The following PRUNE2 variants were observed in gnomAD, a reference collection of about 807,000 sequenced individuals.
The protein encoded by PRUNE2 is protein prune homolog 2.
In PRUNE2, 164 loss-of-function variants were observed where a neutral mutation model predicts 252.0. That is an observed-to-expected ratio of 0.65 (90% CI 0.57 to 0.74). PRUNE2 has a LOEUF of 0.74. PRUNE2 is among the 30% of genes least tolerant of loss of function. The pLI is 0.00. For synonymous variants in PRUNE2, 1,292 were observed against 1,350.2 expected (o/e 0.96, Z 0.94); for missense variants, 3,495 against 3,711.0 (o/e 0.94, Z 1.51).
chr9:76,763,696 C>T (rs968939876), intron 6 of PRUNE2, among the ~76,000 whole-genome samples: 1 of 151,990 alleles, frequency 6.6e-6, no homozygotes, highest in African/African-American at 2.4e-5. Context: ...TGCAGAAGAG[C>T]AGGTGGGGAG....
At chr9:76,821,956 G>A (rs2131927143) in intron 6 of PRUNE2, among the ~76,000 whole-genome samples, 1 of 152,224 alleles carries the variant, frequency 6.6e-6, no homozygotes, top group Non-Finnish European at 1.5e-5. Context: ...AATTTAGGAA[G>A]GAATTCCAAA....
At chr9:76,877,891 T>A (rs2061556819) in intron 1 of PRUNE2, among the ~76,000 whole-genome samples, 1 of 152,186 alleles carries the variant, frequency 6.6e-6, no homozygotes, top group Non-Finnish European at 1.5e-5. Context: ...AAAAACTACT[T>A]AGGTATAGTG....
At chr9:76,804,207 C>T (rs536013804) in intron 6 of PRUNE2, among the ~76,000 whole-genome samples, 10 of 152,298 alleles carry the variant, frequency 6.6e-5, no homozygotes, top group African/African-American at 2.4e-4. Flanking sequence ...TTTAGATTTC[C>T]ACAAGTGAGG....
At chr9:76,841,150 G>A (rs2132346194) in intron 4 of PRUNE2, among the ~76,000 whole-genome samples, 1 of 152,266 alleles carries the variant, frequency 6.6e-6, no homozygotes, top group East Asian at 1.9e-4. Flanking sequence ...GGACTGGTCA[G>A]CCCAGCCATG....
chr9:76,720,749 T>C (rs1267050195), intron 6 of PRUNE2, among the ~76,000 whole-genome samples: 1 of 152,202 alleles, frequency 6.6e-6, no homozygotes, highest in Non-Finnish European at 1.5e-5. Flanking sequence ...TTTCAAATAA[T>C]AATCACACAC....
chr9:76,631,683 C>T (rs183461893), intron 15 of PRUNE2, among the ~76,000 whole-genome samples: 2 of 152,324 alleles, frequency 1.3e-5, no homozygotes, highest in East Asian at 1.9e-4. Context: ...TTTTTTCCCC[C>T]AGCTTTTATT....
chr9:76,782,251 A>G (rs1394252487), intron 6 of PRUNE2, among the ~76,000 whole-genome samples: 2 of 152,150 alleles, frequency 1.3e-5, no homozygotes, highest in Non-Finnish European at 2.9e-5. Context: ...GAAAGCCTAA[A>G]TGGTCTACAG....
chr9:76,799,455 T>C (rs183911055), intron 6 of PRUNE2, among the ~76,000 whole-genome samples: 22 of 152,264 alleles, frequency 1.4e-4, no homozygotes, highest in African/African-American at 4.6e-4. Flanking sequence ...ACACTGAGCA[T>C]ACACATTATT....
chr9:76,710,652 C>A lies in PRUNE2; in HGVS notation c.1622G>T (p.Gly541Val). ...QLPAGPEGLD[G>V]MGTNMSNYSS... ...ATAATTAGACATGTTGGTTCCCATGCCATCAAGTCCTTCAGGCCCAGCGGG... is the reference window on the plus strand; with the variant it reads ...ATAATTAGACATGTTGGTTCCCATGACATCAAGTCCTTCAGGCCCAGCGGG... The change falls in exon 8 of 19, where the codon GGC becomes GTC. Residue 541 changes from glycine to valine, a missense_variant. Coordinates refer to ENST00000376718, the MANE Select transcript of PRUNE2 (RefSeq NM_015225.3). 1 of 1,611,910 alleles carries A rather than the reference C, an allele frequency of 6.2e-7. No individual in the cohort carries two copies.
intron 6 of PRUNE2, among the ~76,000 whole-genome samples, chr9:76,744,380 A>G (rs749075710): frequency 4.8e-4 from 73 of 152,188 alleles, no homozygotes; most frequent in Admixed American, 8.5e-4. Context: ...CTCACTGGTG[A>G]TAGGCTGGAG....
At chr9:76,638,366 T>G (rs1010741246) in intron 12 of PRUNE2, 78 bp from the exon 13 acceptor site, 1 of 961,726 alleles carries the variant, frequency 1.0e-6, no homozygotes, top group East Asian at 2.5e-5. Context: ...TGGATAAATA[T>G]GAAGCCTTGG....
chr9:76,805,995 T>C (rs1022389880), intron 6 of PRUNE2, among the ~76,000 whole-genome samples: 19 of 152,194 alleles, frequency 1.2e-4, no homozygotes, highest in African/African-American at 4.1e-4. Context: ...ACTGGGAACA[T>C]AGTAGGTACT....
At chr9:76,866,691 A>G (rs1230901672) in intron 1 of PRUNE2, among the ~76,000 whole-genome samples, 2 of 151,542 alleles carry the variant, frequency 1.3e-5, no homozygotes, top group Non-Finnish European at 2.9e-5. Context: ...GGAAGGAAGG[A>G]AGGAAGAAAG....
In PRUNE2 at chr9:76,614,260, G is replaced by A; in HGVS notation, c.*310C>T. 2 of 391,140 alleles carry A rather than the reference G, an allele frequency of 5.1e-6. No homozygotes were observed. Among genetic ancestry groups the A allele is most frequent in the Admixed American group, 4.6e-5 (1 of 21,614 alleles). 24.2% of individuals were successfully genotyped at this position (391,140 alleles called of 1,614,324 possible). ...ACAGTGGATTAAAGGTATCTTACTG[G>A]TAAACACCAGTCTAAGGGACAAAGT... On this transcript the variant is annotated 3_prime_UTR_variant, in exon 19 of 19. Coordinates refer to ENST00000376718, the MANE Select transcript of PRUNE2 (RefSeq NM_015225.3).
rs187630796 is a variant in PRUNE2, at chr9:76,807,985, C to T, written c.756+15647G>A. Among the ~76,000 whole-genome samples, 543 of 152,200 alleles carry T rather than the reference C, an allele frequency of 3.6e-3. 1 individual carries two copies. Among genetic ancestry groups the T allele is most frequent in the African/African-American group, 0.012 (510 of 41,520 alleles). ...CTGAGGTCAGGAGTTCGAGACCAGC[C>T]TGGCCAATATGGTGAAACCCCGTCT... On this transcript the variant is annotated intron_variant, in intron 6 of 18. Transcript: ENST00000376718.
intron 4 of PRUNE2, among the ~76,000 whole-genome samples, chr9:76,832,103 TA>T (rs1423001536): frequency 3.9e-5 from 6 of 152,134 alleles, no homozygotes; most frequent in Admixed American, 3.9e-4. Context: ...GCATAGCTTC[TA>T]AATATATAAA....
Position 76,772,180 on chromosome 9 carries a change from C to T in PRUNE2, c.756+51452G>A, listed in dbSNP as rs184248774. On this transcript the variant is annotated intron_variant, in intron 6 of 18. Coordinates refer to ENST00000376718, the MANE Select transcript of PRUNE2 (RefSeq NM_015225.3). ...GTGTTGCTCGTTGTTTTTATCCTATCCTGGCACCAAAATGAACCACTTTTT... is the reference window on the plus strand; with the variant it reads ...GTGTTGCTCGTTGTTTTTATCCTATTCTGGCACCAAAATGAACCACTTTTT... Among the ~76,000 whole-genome samples, 274 of 152,240 alleles carry T rather than the reference C, an allele frequency of 1.8e-3. 1 individual carries two copies. The highest frequency in any genetic ancestry group is 6.2e-3 in the African/African-American group (258 of 41,526).
intron 9 of PRUNE2, among the ~76,000 whole-genome samples, chr9:76,690,661 T>G (rs775844650): frequency 1.3e-5 from 2 of 152,212 alleles, no homozygotes; most frequent in Non-Finnish European, 2.9e-5. Context: ...TTAATTTGAC[T>G]TCTTGTTAAT....
intron 1 of PRUNE2, among the ~76,000 whole-genome samples, chr9:76,876,967 C>G (rs2061508672): frequency 6.6e-6 from 1 of 152,142 alleles, no homozygotes; most frequent in Non-Finnish European, 1.5e-5. Context: ...GGAAAAGAGG[C>G]AGGAGACATA....
Sources: allele counts gnomAD v4.1 joint callset (sites outside exome capture counted in the v4.1 genomes callset), GRCh38; gene constraint gnomAD v4.1.1; transcripts MANE v1.5; gene names NCBI Gene and HGNC (gene_info 2026-07-23, HGNC 2026-07-21).